HDAC9: variants seen among roughly 807,000 people sequenced by gnomAD.
The protein encoded by HDAC9 is histone deacetylase 9.
A neutral mutation model predicts 139.4 loss-of-function variants in HDAC9; 41 were observed. The observed-to-expected ratio is 0.29, with a 90% CI of 0.23 to 0.38. The LOEUF (loss-of-function observed/expected upper bound fraction) is 0.38, where lower values mean the gene tolerates loss of function less well. Among genes scored for constraint, HDAC9 ranks in the 10% least tolerant of loss-of-function variants. The pLI is 1.00. For synonymous variants in HDAC9, 517 were observed against 476.2 expected, an observed-to-expected ratio of 1.09 and a Z score of -1.12; for missense variants, 1,147 against 1,297.0, an observed-to-expected ratio of 0.88 and a Z score of 1.78.
chr7:18,405,422 C>G (rs193083725), intron 1 of HDAC9, among the ~76,000 whole-genome samples: 1 of 152,132 alleles, frequency 6.6e-6, no homozygotes, highest in East Asian at 1.9e-4. Context: ...TAATCATCCC[C>G]CTATCTTACT....
Position 18,593,899 on chromosome 7 carries a change from C to A in HDAC9, c.543-9C>A, listed in dbSNP as rs756136724. On this transcript the variant is annotated splice_polypyrimidine_tract_variant and intron_variant, in intron 5 of 25. Coordinates refer to ENST00000686413, the MANE Select transcript of HDAC9 (RefSeq NM_178425.4). ...CAAGTAAATAGTGAAACTTCCTTGT[C>A]TTTTCTAGGGCTGCCCACCACACAT... 4.3e-6 allele frequency: 7 copies of A among 1,611,940 alleles called. No individual in the cohort carries two copies. In the South Asian group the frequency reaches 7.7e-5, roughly 18 times the overall value.
intron 23 of HDAC9, among the ~76,000 whole-genome samples, chr7:18,950,770 T>G (rs1448272967): frequency 6.6e-6 from 1 of 151,772 alleles, no homozygotes; most frequent in Non-Finnish European, 1.5e-5. Context: ...TTGGTAAGGT[T>G]TTACCAATTC....
chr7:18,656,765 T>C (rs755101787), intron 11 of HDAC9, among the ~76,000 whole-genome samples: 44 of 152,282 alleles, frequency 2.9e-4, no homozygotes, highest in Non-Finnish European at 6.2e-4. Flanking sequence ...AGATATCTCT[T>C]TGATATACTG....
Position 18,174,784 on chromosome 7 carries a change from C to T in HDAC9, c.25+12435C>T, listed in dbSNP as rs1020201326. Among the ~76,000 whole-genome samples, 4 of 152,180 alleles carry T rather than the reference C, an allele frequency of 2.6e-5. 1 individual carries two copies. Among genetic ancestry groups the T allele is most frequent in the South Asian group, 4.1e-4 (2 of 4,828 alleles). ...TTTGCCTGGGTATCACCAGTGGAGG[C>T]TGCAGAACAGCAAATATTGCTGCCT... On this transcript the variant is annotated intron_variant, in intron 2 of 12. Transcript: ENST00000417496.
At chr7:18,548,975 CATGCCTGTA>C (rs778320512) in intron 2 of HDAC9, among the ~76,000 whole-genome samples, 41 of 152,300 alleles carry the variant, frequency 2.7e-4, no homozygotes, top group Non-Finnish European at 4.1e-4. Flanking sequence ...TGTGGTGGCT[CATGCCTGTA>C]ATCTCAGCAC....
chr7:18,316,680 G>A (rs1468340861), intron 1 of HDAC9, among the ~76,000 whole-genome samples: 1 of 148,270 alleles, frequency 6.7e-6, no homozygotes, highest in East Asian at 2.0e-4. Context: ...CGCACACCCA[G>A]CTACTCAGGT....
At position 18,253,377 on chromosome 7, in the gene HDAC9, T is replaced by G. The variant is rs302138; in HGVS notation, c.25+91028T>G. Among the ~76,000 whole-genome samples the G allele has an allele frequency of 1.8e-3, 271 of 151,954 alleles. 1 individual carries two copies. Among genetic ancestry groups the G allele is most frequent in the African/African-American group, 6.2e-3 (257 of 41,484 alleles). On this transcript the variant is annotated intron_variant, in intron 2 of 12. Coordinates refer to the HDAC9 transcript ENST00000417496. ...TAATTTACACTCCTACCAATAGTGT[T>G]TAAGCATTCCTTTTTCTCCAAAACG...
chr7:18,087,361 C>G (rs976994458), intron 1 of HDAC9: 1 of 152,128 alleles, frequency 6.6e-6, no homozygotes, highest in African/African-American at 2.4e-5. Context: ...ATGCCACTTG[C>G]CTTGCATCTC....
Position 18,752,391 on chromosome 7 carries a change from G to A in HDAC9, c.2043+3253G>A, listed in dbSNP as rs142527038. 2.7e-3 allele frequency among the ~76,000 whole-genome samples: 417 copies of A among 152,152 alleles called. 2 individuals carry two copies. The highest frequency in any genetic ancestry group is 9.3e-3 in the African/African-American group (386 of 41,524). On this transcript the variant is annotated intron_variant, in intron 14 of 25. Coordinates refer to ENST00000686413, the MANE Select transcript of HDAC9 (RefSeq NM_178425.4). Reference sequence around the variant, plus strand: ...TTATTCACTCGACAGAGGAAGTTGGGTCCCAGCTCAGGTGTGAGTAACTTA... The same window carrying A: ...TTATTCACTCGACAGAGGAAGTTGGATCCCAGCTCAGGTGTGAGTAACTTA...
At chr7:18,955,333 T>C (rs1783075909) in intron 24 of HDAC9, among the ~76,000 whole-genome samples, 1 of 152,122 alleles carries the variant, frequency 6.6e-6, no homozygotes, top group East Asian at 1.9e-4. Context: ...AGAGGGTCTA[T>C]TACATGTCAT....
chr7:18,812,935 A>T (rs73312658), intron 17 of HDAC9, among the ~76,000 whole-genome samples: 3,889 of 152,006 alleles, frequency 0.026, 164 homozygotes, highest in African/African-American at 0.088. Flanking sequence ...TGCTAATATC[A>T]TCCAAAAAAC....
rs368619812 is a variant in HDAC9, at chr7:18,835,508, T to C, written c.2508T>C (p.Ala836=). Residue 836 remains alanine (A), a synonymous_variant, in exon 20 of 26, where the codon GCT becomes GCC. Coordinates refer to ENST00000686413, the MANE Select transcript of HDAC9 (RefSeq NM_178425.4). ...HGNGTQQAFY[A]DPSILYISLH... Reference sequence around the variant, plus strand: ...ACGGTACCCAGCAGGCCTTTTATGCTGACCCCAGCATCCTGTACATTTCAC... The same window carrying C: ...ACGGTACCCAGCAGGCCTTTTATGCCGACCCCAGCATCCTGTACATTTCAC... The C allele has an allele frequency of 3.1e-6, 5 of 1,613,646 alleles. No homozygotes were observed. In the African/African-American group the frequency reaches 4.0e-5, roughly 13 times the overall value.
At chr7:18,364,579 T>C (rs1476205816) in intron 1 of HDAC9, among the ~76,000 whole-genome samples, 2 of 152,156 alleles carry the variant, frequency 1.3e-5, no homozygotes, top group African/African-American at 2.4e-5. Context: ...ACCAGCAGCA[T>C]GGGCACCCTG....
At chr7:18,477,674 A>C (rs1412766956) in intron 1 of HDAC9, among the ~76,000 whole-genome samples, 1 of 152,162 alleles carries the variant, frequency 6.6e-6, no homozygotes, top group Non-Finnish European at 1.5e-5. Flanking sequence ...TCATTTGACA[A>C]ATTACATAAG....
intron 25 of HDAC9, among the ~76,000 whole-genome samples, chr7:18,981,439 CAA>C (rs1319445596): frequency 6.6e-6 from 1 of 152,152 alleles, no homozygotes. Context: ...TTAAAACACA[CAA>C]AGTTTGTCAG....
intron 1 of HDAC9, chr7:18,429,313 C>T (rs1055787734): frequency 6.6e-6 from 1 of 152,106 alleles, no homozygotes; most frequent in East Asian, 1.9e-4. Context: ...ATTAATGCCT[C>T]TACTTTCTTC....
At chr7:18,967,194 C>A (rs950277018) in intron 24 of HDAC9, among the ~76,000 whole-genome samples, 5 of 152,084 alleles carry the variant, frequency 3.3e-5, no homozygotes, top group African/African-American at 7.2e-5. Flanking sequence ...CCAAAAGGAA[C>A]AATTTAAGAA....
At chr7:18,223,715 A>T (rs1220740785) in intron 2 of HDAC9, among the ~76,000 whole-genome samples, 2 of 152,046 alleles carry the variant, frequency 1.3e-5, no homozygotes, top group African/African-American at 4.8e-5. Flanking sequence ...CTGTTTATTT[A>T]TATATGCACA....
At chr7:18,594,160 C>A in intron 6 of HDAC9, 131 bp downstream of exon 6, 1 of 786,402 alleles carries the variant, frequency 1.3e-6, no homozygotes, top group Non-Finnish European at 2.1e-6. Context: ...CTGCCCCCAG[C>A]ATAAGCAAAC....
Sources: allele counts gnomAD v4.1 joint callset (sites outside exome capture counted in the v4.1 genomes callset), GRCh38; gene constraint gnomAD v4.1.1; transcripts MANE v1.5; gene names NCBI Gene and HGNC (gene_info 2026-07-23, HGNC 2026-07-21).